The following TMTC3 variants were observed in gnomAD, a reference collection of about 807,000 sequenced individuals.
The protein encoded by TMTC3 is transmembrane O-mannosyltransferase targeting cadherins 3, also known as protein O-mannosyl-transferase TMTC3.
TMTC3 carries 52 observed loss-of-function variants against 92.2 expected under a neutral mutation model. That is an observed-to-expected ratio of 0.56 (90% CI 0.45 to 0.71). The LOEUF is 0.71. TMTC3 is among the 30% of genes least tolerant of loss of function. The pLI, the probability that TMTC3 is intolerant of heterozygous loss-of-function variation, is 0.00. For missense variants in TMTC3, 896 were observed against 1,057.1 expected (o/e 0.85, Z 2.11); for synonymous variants, 339 against 363.3 (o/e 0.93, Z 0.76).
At position 88,199,512 on chromosome 12, in the gene TMTC3, T is replaced by C. The variant is rs2041557863; in HGVS notation, c.*3863T>C. 1 of 152,198 alleles carries C rather than the reference T, an allele frequency of 6.6e-6. No homozygotes were observed. The highest frequency in any genetic ancestry group is 1.5e-5 in the Non-Finnish European group (1 of 68,028). 9.4% of individuals were successfully genotyped at this position (152,198 alleles called of 1,614,324 possible). ...CATATGACTTAATTTGTATTTGTGCTAGTAGCTGTAATGTCAGTGACAGGA... is the reference window on the plus strand; with the variant it reads ...CATATGACTTAATTTGTATTTGTGCCAGTAGCTGTAATGTCAGTGACAGGA... On this transcript the variant is annotated 3_prime_UTR_variant, in exon 14 of 14. Coordinates refer to ENST00000266712, the MANE Select transcript of TMTC3 (RefSeq NM_181783.4).
intron 7 of TMTC3, among the ~76,000 whole-genome samples, chr12:88,169,748 G>A (rs1393392526): frequency 6.6e-6 from 1 of 152,018 alleles, no homozygotes; most frequent in Admixed American, 6.6e-5. Context: ...GGACAAACCT[G>A]GGCAAGACAG....
chr12:88,159,043 ACT>A (rs1221712705), intron 4 of TMTC3, among the ~76,000 whole-genome samples: 9 of 148,784 alleles, frequency 6.0e-5, no homozygotes, highest in African/African-American at 2.0e-4. Context: ...CAAGAGCGAA[ACT>A]CTGTCTCAAA....
chr12:88,148,609 A>G (rs2040904352), intron 2 of TMTC3, 105 bp downstream of exon 2: 1 of 862,356 alleles, frequency 1.2e-6, no homozygotes, highest in Admixed American at 3.2e-5. Context: ...CAACAGTTAC[A>G]GATTTTTAAC....
chr12:88,160,668 T>G lies in TMTC3; in HGVS notation c.625-11T>G, dbSNP rs765454565. ...TTATTTGTTGCTTAAAACATTTCTTTTCTTTTTCAGTATACTTTGCCATTA... is the reference window on the plus strand; with the variant it reads ...TTATTTGTTGCTTAAAACATTTCTTGTCTTTTTCAGTATACTTTGCCATTA... On this transcript the variant is annotated splice_polypyrimidine_tract_variant and intron_variant, in intron 5 of 13. Coordinates refer to ENST00000266712, the MANE Select transcript of TMTC3 (RefSeq NM_181783.4). The G allele has an allele frequency of 1.9e-6, 3 of 1,611,060 alleles. No homozygotes were observed. The African/African-American group carries it at 4.0e-5, about 22-fold the overall frequency.
At chr12:88,184,026 G>T (rs972991455) in intron 10 of TMTC3, among the ~76,000 whole-genome samples, 5 of 151,960 alleles carry the variant, frequency 3.3e-5, no homozygotes, top group African/African-American at 9.7e-5. Context: ...TCCTCACACG[G>T]GGCACCACCT....
At chr12:88,191,968 C>T (rs992659473) in intron 12 of TMTC3, among the ~76,000 whole-genome samples, 2 of 151,478 alleles carry the variant, frequency 1.3e-5, no homozygotes, top group Admixed American at 6.6e-5. Context: ...CTCAGCCTCC[C>T]AAAGTGCTGG....
At chr12:88,154,814 CTATT>C (rs1336388004) in intron 4 of TMTC3, among the ~76,000 whole-genome samples, 2 of 152,112 alleles carry the variant, frequency 1.3e-5, no homozygotes, top group African/African-American at 4.8e-5. Flanking sequence ...TTGATCATAG[CTATT>C]TATTGAGCTC....
At chr12:88,156,167 A>G (rs1018013972) in intron 4 of TMTC3, among the ~76,000 whole-genome samples, 3 of 152,184 alleles carry the variant, frequency 2.0e-5, no homozygotes, top group Non-Finnish European at 4.4e-5. Context: ...CTGATTTAGT[A>G]GTATATGTTA....
chr12:88,195,294 C>T lies in TMTC3; in HGVS notation c.2390C>T (p.Thr797Ile), dbSNP rs779693779. The change falls in exon 14 of 14, where the codon ACA becomes ATA. Residue 797 changes from threonine (T) to isoleucine (I), a missense_variant. By Grantham distance (89) the Thr-to-Ile change is moderately conservative. Transcript: ENST00000266712. The stretch of plus-strand genomic sequence containing the variant: ...AAAGCTGAAAGATGCCTTCTTGAAA[C>T]ACTGGCATTAGCACCACATGAAGAA... ...LLKAERCLLE[T>I]LALAPHEEYI... The T allele has an allele frequency of 9.3e-6, 15 of 1,613,752 alleles. No homozygotes were observed. In the South Asian group the frequency reaches 1.2e-4, roughly 13 times the overall value.
chr12:88,176,365 A>T (rs1054913648), intron 10 of TMTC3, 46 bp downstream of exon 10: 1 of 1,389,712 alleles, frequency 7.2e-7, no homozygotes, highest in Non-Finnish European at 9.9e-7. Context: ...TTTTTTAAAA[A>T]GTTTTGATTA....
intron 9 of TMTC3, among the ~76,000 whole-genome samples, chr12:88,175,268 T>C (rs992381387): frequency 6.6e-6 from 1 of 152,106 alleles, no homozygotes; most frequent in African/African-American, 2.4e-5. Context: ...GGATCAAGAT[T>C]TCTATAGAAT....
At chr12:88,150,203 C>T (rs1170390492) in intron 2 of TMTC3, among the ~76,000 whole-genome samples, 1 of 152,136 alleles carries the variant, frequency 6.6e-6, no homozygotes, top group Non-Finnish European at 1.5e-5. Context: ...GAAGGGGAAG[C>T]AGGAGCAGGC....
chr12:88,159,194 A>T (rs1386250615), intron 4 of TMTC3, among the ~76,000 whole-genome samples: 1 of 152,126 alleles, frequency 6.6e-6, no homozygotes, highest in Non-Finnish European at 1.5e-5. Context: ...AGCTGCCCAA[A>T]CTCACAAGTT....
intron 13 of TMTC3, 128 bp from the exon 14 acceptor site, chr12:88,194,710 T>A (rs2041487700): frequency 1.5e-6 from 1 of 659,654 alleles, no homozygotes; most frequent in South Asian, 4.9e-5. Context: ...GCTTTCTACT[T>A]TTTTTAACTA....
chr12:88,174,430 T>C (rs2041237483), intron 8 of TMTC3, among the ~76,000 whole-genome samples, 177 bp from the exon 9 acceptor site: 1 of 152,100 alleles, frequency 6.6e-6, no homozygotes, highest in Non-Finnish European at 1.5e-5. Context: ...ATTCACAGTA[T>C]TTAATTTTTT....
intron 10 of TMTC3, among the ~76,000 whole-genome samples, chr12:88,179,710 G>A (rs879510575): frequency 9.9e-5 from 15 of 151,970 alleles, no homozygotes; most frequent in African/African-American, 3.6e-4. Context: ...CACCAAGAGA[G>A]TGCAGCCCCC....
Position 88,148,372 on chromosome 12 carries a change from C to T in TMTC3, c.57C>T (p.Cys19=). ...TAATAGTAGGTGTGGTTACTGCCTG[C>T]TATTGGAACAGCCTCTTTTGTGGTT... ...ITLIVGVVTA[C]YWNSLFCGFV... Residue 19 remains cysteine, a synonymous_variant, in exon 2 of 14, where the codon TGC becomes TGT. Transcript: ENST00000266712. The T allele has an allele frequency of 6.2e-7, 1 of 1,613,524 alleles. No homozygotes were observed. The highest frequency in any genetic ancestry group is 8.5e-7 in the Non-Finnish European group (1 of 1,179,676).
chr12:88,176,032 T>G (rs181173546), intron 9 of TMTC3, among the ~76,000 whole-genome samples, 176 bp from the exon 10 acceptor site: 166 of 152,312 alleles, frequency 1.1e-3, no homozygotes, highest in Admixed American at 2.4e-3. Flanking sequence ...AGTATGTTGG[T>G]GTTCAGGTTC....
Position 88,160,816 on chromosome 12 carries a change from C to G in TMTC3, c.762C>G (p.Val254=). The G allele has an allele frequency of 6.2e-7, 1 of 1,611,310 alleles. No homozygotes were observed. The highest frequency in any genetic ancestry group is 1.7e-4 in the Middle Eastern group (1 of 6,054). The change falls in exon 6 of 14, where the codon GTC becomes GTG. Residue 254 remains valine, a synonymous_variant. Transcript: ENST00000266712. Reference sequence around the variant, plus strand: ...CATTATTACTTGTTGTGATTAGAGTCCAGGTTATTCAATCCCAACTTCCAG... The same window carrying G: ...CATTATTACTTGTTGTGATTAGAGTGCAGGTTATTCAATCCCAACTTCCAG... ...FSTLLLVVIR[V]QVIQSQLPVF...
Sources: gnomAD v4.1 joint callset for allele counts (sites outside exome capture counted in the v4.1 genomes callset) on GRCh38, gnomAD v4.1.1 for gene constraint, MANE v1.5 for transcripts, NCBI Gene and HGNC (gene_info 2026-07-23, HGNC 2026-07-21) for gene names.